Variants in DMD observed in about 807,000 individuals in gnomAD.
DMD encodes mutant dystrophin.
Under a neutral mutation model 330.1 loss-of-function variants are expected in DMD, and 63 were observed. The ratio of observed to expected loss-of-function variants is 0.19; its 90% CI spans 0.16 to 0.24. The LOEUF is 0.24. Among genes scored for constraint, DMD ranks in the 10% least tolerant of loss-of-function variants. The pLI is 1.00. For missense variants in DMD, 3,344 were observed against 2,684.1 expected, an observed-to-expected ratio of 1.25 and a Z score of -5.43; for synonymous variants, 1,223 against 959.8, an observed-to-expected ratio of 1.27 and a Z score of -5.07.
At chrX:31,367,207 T>A (rs4829221) in intron 60 of DMD, among the ~76,000 whole-genome samples, 36,469 of 110,092 alleles carry the variant, frequency 0.33, 4,574 homozygotes, top group East Asian at 0.63. Flanking sequence ...GAAAATCTTG[T>A]TCCTTTCCTC....
rs1393140621 is a variant in DMD at position 32,342,090 on chromosome X, A to G, written c.5922+10T>C. On this transcript the variant is annotated intron_variant, in intron 41 of 78. Coordinates refer to ENST00000357033, the MANE Select transcript of DMD (RefSeq NM_004006.3). Reference sequence around the variant, plus strand: ...CAAACACATACGTGGGTTTGCCAGTAACAACTCACAATTTGTGCAAAGTTG... The same window carrying G: ...CAAACACATACGTGGGTTTGCCAGTGACAACTCACAATTTGTGCAAAGTTG... The G allele has an allele frequency of 5.8e-6, 7 of 1,202,937 alleles. No homozygotes were observed. In the South Asian group the frequency reaches 7.1e-5, roughly 12 times the overall value.
chrX:31,228,888 G>T (rs889014256), intron 63 of DMD, among the ~76,000 whole-genome samples: 2 of 112,088 alleles, frequency 1.8e-5, no homozygotes, highest in Admixed American at 9.4e-5. Context: ...ATCCAGGGCT[G>T]GTTCTAGCCT....
intron 60 of DMD, among the ~76,000 whole-genome samples, chrX:31,412,012 C>T (rs1304841481): frequency 9.3e-6 from 1 of 107,715 alleles, no homozygotes; most frequent in Non-Finnish European, 1.9e-5. Flanking sequence ...ACGGTGAAAC[C>T]CCGTCTCTAC....
intron 2 of DMD, among the ~76,000 whole-genome samples, chrX:32,994,250 G>T (rs766363108): frequency 9.3e-6 from 1 of 108,092 alleles, no homozygotes; most frequent in South Asian, 4.1e-4. Flanking sequence ...GCTGTTTCCC[G>T]AAATGCCAAG....
chrX:31,336,429 G>A (rs745697005), intron 61 of DMD, among the ~76,000 whole-genome samples: 8 of 112,096 alleles, frequency 7.1e-5, no homozygotes, highest in African/African-American at 2.6e-4. Context: ...TTTCTGTTGC[G>A]CAAAGCTTTG....
At chrX:31,634,999 T>C (rs1384146758) in intron 54 of DMD, among the ~76,000 whole-genome samples, 1 of 111,650 alleles carries the variant, frequency 9.0e-6, no homozygotes, top group African/African-American at 3.2e-5. Context: ...TTTCTGCTGA[T>C]ACAATACGAA....
rs150100605 is a variant in DMD at position 31,192,503 on chromosome X, T to C, written c.9808-9599A>G. The stretch of plus-strand genomic sequence containing the variant: ...ACACTCTATGTACAAGACTGTTTTC[T>C]ATATCTTATAGCTCTGATACAAGAG... On this transcript the variant is annotated intron_variant, in intron 67 of 78. Transcript: ENST00000357033. Among the ~76,000 whole-genome samples the C allele has an allele frequency of 5.2e-3, 589 of 112,211 alleles. 2 individuals are homozygous for C. Among genetic ancestry groups the C allele is most frequent in the African/African-American group, 0.018 (565 of 30,888 alleles).
intron 7 of DMD, among the ~76,000 whole-genome samples, chrX:32,784,043 G>T (rs1423819510): frequency 9.1e-6 from 1 of 110,104 alleles, no homozygotes; most frequent in Non-Finnish European, 1.9e-5. Flanking sequence ...TCATCTGTGT[G>T]TTTAGAGGAC....
At chrX:31,825,458 T>C (rs181493917) in intron 49 of DMD, among the ~76,000 whole-genome samples, 5 of 111,617 alleles carry the variant, frequency 4.5e-5, no homozygotes, top group East Asian at 5.7e-4. Flanking sequence ...AGTAAGCATA[T>C]TGCCCCTCAG....
Position 33,021,643 on chromosome X carries a change from A to T in DMD, c.32-1443T>A, listed in dbSNP as rs747024195. Reference sequence around the variant, plus strand: ...CTGTTTATCTTTAAATCACAATACTAATCTATAAGTAGATTCCTTTAGTCA... The same window carrying T: ...CTGTTTATCTTTAAATCACAATACTTATCTATAAGTAGATTCCTTTAGTCA... On this transcript the variant is annotated intron_variant, in intron 1 of 78. Transcript: ENST00000357033. Among the ~76,000 whole-genome samples, 372 of 111,755 alleles carry T rather than the reference A, an allele frequency of 3.3e-3. 4 individuals are homozygous for T. Among genetic ancestry groups the T allele is most frequent in the African/African-American group, 0.011 (341 of 30,889 alleles).
At chrX:33,275,678 G>T (rs903383997) in intron 1 of DMD, among the ~76,000 whole-genome samples, 3 of 111,357 alleles carry the variant, frequency 2.7e-5, no homozygotes, top group African/African-American at 9.8e-5. Flanking sequence ...ATGGACTATG[G>T]AACTCAGATT....
intron 7 of DMD, among the ~76,000 whole-genome samples, chrX:32,714,620 G>A (rs186027261): frequency 2.0e-4 from 22 of 111,299 alleles, no homozygotes; most frequent in African/African-American, 5.9e-4. Flanking sequence ...GTGAACATGC[G>A]AGTGTGACTG....
intron 44 of DMD, among the ~76,000 whole-genome samples, chrX:32,008,737 T>C (rs1386672331): frequency 9.1e-6 from 1 of 110,415 alleles, no homozygotes; most frequent in Non-Finnish European, 1.9e-5. Context: ...CACAGAGGAG[T>C]GTGGCTGTGA....
At chrX:32,507,509 T>A (rs1279933040) in intron 18 of DMD, among the ~76,000 whole-genome samples, 1 of 111,815 alleles carries the variant, frequency 8.9e-6, no homozygotes, top group Non-Finnish European at 1.9e-5. Context: ...TATTTGAATA[T>A]CTCAGGAATC....
chrX:31,323,736 G>T, intron 61 of DMD, 78 bp from the exon 62 acceptor site: 1 of 916,232 alleles, frequency 1.1e-6, no homozygotes, highest in Non-Finnish European at 1.6e-6. Flanking sequence ...TTAATCTCCA[G>T]AATTACAATT....
intron 6 of DMD, among the ~76,000 whole-genome samples, chrX:32,811,967 T>C (rs888095353): frequency 3.6e-5 from 4 of 111,744 alleles, no homozygotes; most frequent in South Asian, 3.8e-4. Context: ...CCTGGCTCCA[T>C]TGGAAGATTC....
At position 32,253,361 on chromosome X, in the gene DMD, C is replaced by T. The variant is rs377615740; in HGVS notation, c.6290+34168G>A. 4.5e-5 allele frequency among the ~76,000 whole-genome samples: 5 copies of T among 110,619 alleles called. No individual in the cohort carries two copies. In the East Asian group the frequency reaches 1.1e-3, roughly 25 times the overall value. ...AGGAAGTTTAAGTTCCACAATTACT[C>T]GGTGCCAAAAAATACTGTGTGCTAT... On this transcript the variant is annotated intron_variant, in intron 43 of 78. Coordinates refer to ENST00000357033, the MANE Select transcript of DMD (RefSeq NM_004006.3).
chrX:31,720,270 G>T (rs1464548983), intron 52 of DMD, among the ~76,000 whole-genome samples: 1 of 112,280 alleles, frequency 8.9e-6, no homozygotes, highest in Non-Finnish European at 1.9e-5. Flanking sequence ...GAAAGAAGTA[G>T]TAGGTACAAA....
chrX:31,614,720 T>C (rs960668742), intron 55 of DMD, among the ~76,000 whole-genome samples: 2 of 112,091 alleles, frequency 1.8e-5, no homozygotes, highest in African/African-American at 6.5e-5. Context: ...CAGACCTTTG[T>C]GCAATAACTT....
Sources: allele counts gnomAD v4.1 joint callset (sites outside exome capture counted in the v4.1 genomes callset), GRCh38; gene constraint gnomAD v4.1.1; transcripts MANE v1.5; gene names NCBI Gene and HGNC (gene_info 2026-07-23, HGNC 2026-07-21).